CCDC178: variants seen among roughly 807,000 people sequenced by gnomAD.
CCDC178 encodes coiled-coil domain-containing protein 178.
Under a neutral mutation model 117.4 loss-of-function variants are expected in CCDC178, and 126 were observed. That is an observed-to-expected ratio of 1.07 (90% CI 0.93 to 1.24). The LOEUF is 1.24. Among genes scored for constraint, CCDC178 ranks in the 50% most tolerant of loss-of-function variants. The pLI, the probability that CCDC178 is intolerant of heterozygous loss-of-function variation, is 0.00. For missense variants in CCDC178, 1,030 were observed against 986.9 expected, an observed-to-expected ratio of 1.04 and a Z score of -0.59; for synonymous variants, 283 against 313.4, an observed-to-expected ratio of 0.90 and a Z score of 1.02.
chr18:33,242,953 G>GT (rs959497156), intron 15 of CCDC178, among the ~76,000 whole-genome samples: 36 of 151,474 alleles, frequency 2.4e-4, no homozygotes, highest in Admixed American at 7.9e-4. Context: ...GTATCCCCAT[G>GT]TTTTTTTTGT....
intron 22 of CCDC178, among the ~76,000 whole-genome samples, chr18:32,953,564 C>T (rs114211611): frequency 7.9e-5 from 12 of 152,264 alleles, no homozygotes; most frequent in African/African-American, 1.9e-4. Context: ...ATAGGACAAA[C>T]ATTTATCCCA....
intron 6 of CCDC178, among the ~76,000 whole-genome samples, chr18:33,359,339 T>G (rs1044697498): frequency 3.3e-5 from 5 of 151,750 alleles, no homozygotes; most frequent in Non-Finnish European, 7.4e-5. Flanking sequence ...ATCAAAACAT[T>G]ACCTTAGCAA....
intron 20 of CCDC178, among the ~76,000 whole-genome samples, chr18:33,163,264 C>A (rs141470028): frequency 4.1e-4 from 62 of 151,886 alleles, no homozygotes; most frequent in African/African-American, 1.4e-3. Flanking sequence ...TAAATAATAC[C>A]TTTTCAATGT....
chr18:33,004,102 T>G (rs1017883107), intron 21 of CCDC178, among the ~76,000 whole-genome samples: 2 of 152,020 alleles, frequency 1.3e-5, no homozygotes, highest in African/African-American at 4.8e-5. Context: ...GTACTACCCA[T>G]AGCAACCTAA....
chr18:33,223,570 T>G (rs1347603040), intron 17 of CCDC178, among the ~76,000 whole-genome samples: 3 of 152,156 alleles, frequency 2.0e-5, no homozygotes, highest in African/African-American at 7.2e-5. Flanking sequence ...AAAAACTTAT[T>G]CTTCCTTACT....
At chr18:33,057,969 G>C (rs2144950572) in intron 21 of CCDC178, among the ~76,000 whole-genome samples, 1 of 152,156 alleles carries the variant, frequency 6.6e-6, no homozygotes, top group South Asian at 2.1e-4. Flanking sequence ...TCACCCTCTA[G>C]GAGGGCTAAA....
chr18:33,108,504 T>C (rs796101807), intron 20 of CCDC178, among the ~76,000 whole-genome samples: 22 of 151,728 alleles, frequency 1.4e-4, no homozygotes, highest in African/African-American at 5.1e-4. Context: ...GAGTAGACTA[T>C]GCTAAGATTT....
intron 20 of CCDC178, among the ~76,000 whole-genome samples, chr18:33,115,789 T>C (rs2057849438): frequency 6.6e-6 from 1 of 151,918 alleles, no homozygotes; most frequent in Non-Finnish European, 1.5e-5. Flanking sequence ...TTTCAAGGAG[T>C]TAATCGTTCT....
chr18:33,263,266 A>G (rs951937032), intron 14 of CCDC178, among the ~76,000 whole-genome samples: 1 of 152,196 alleles, frequency 6.6e-6, no homozygotes, highest in Non-Finnish European at 1.5e-5. Flanking sequence ...TTTTAAAAGT[A>G]TTATACTGAA....
chr18:33,091,324 C>CTTTTTTTTTTTCTTTTTTT (rs2057459982), intron 21 of CCDC178, among the ~76,000 whole-genome samples: 1 of 43,882 alleles, frequency 2.3e-5, no homozygotes, highest in Non-Finnish European at 4.1e-5. Context: ...TTATTTCATT[C>CTTTTTTTTTTTCTTTTTTT]TTTTTTTTTT....
intron 20 of CCDC178, among the ~76,000 whole-genome samples, chr18:33,178,609 C>T (rs2058691457): frequency 6.6e-6 from 1 of 152,082 alleles, no homozygotes; most frequent in Non-Finnish European, 1.5e-5. Flanking sequence ...GCTCCGTACA[C>T]GAAGGTCTCC....
intron 3 of CCDC178, among the ~76,000 whole-genome samples, chr18:33,404,906 T>C (rs570948138): frequency 8.6e-5 from 13 of 152,008 alleles, no homozygotes; most frequent in African/African-American, 3.1e-4. Context: ...ATATCTAGAG[T>C]AAACAAATCC....
At chr18:33,008,262 A>T (rs2055790598) in intron 21 of CCDC178, among the ~76,000 whole-genome samples, 1 of 152,060 alleles carries the variant, frequency 6.6e-6, no homozygotes, top group Non-Finnish European at 1.5e-5. Flanking sequence ...CTCCACACTC[A>T]TGGTCCCAAC....
chr18:33,295,412 A>T (rs2062094299), intron 11 of CCDC178, among the ~76,000 whole-genome samples: 1 of 152,144 alleles, frequency 6.6e-6, no homozygotes, highest in Non-Finnish European at 1.5e-5. Flanking sequence ...GACACCAAGT[A>T]CATGATGAAT....
intron 20 of CCDC178, among the ~76,000 whole-genome samples, chr18:33,169,400 G>A (rs2058570976): frequency 6.6e-6 from 1 of 152,162 alleles, no homozygotes; most frequent in South Asian, 2.1e-4. Context: ...GACTGTGTAA[G>A]TACAGAATGT....
At chr18:33,337,988 A>C (rs2062764199) in intron 9 of CCDC178, among the ~76,000 whole-genome samples, 1 of 152,218 alleles carries the variant, frequency 6.6e-6, no homozygotes. Context: ...GAGTGGGAGA[A>C]AATTTTGACG....
At chr18:33,235,203 T>G (rs2059413546) in intron 15 of CCDC178, among the ~76,000 whole-genome samples, 1 of 152,172 alleles carries the variant, frequency 6.6e-6, no homozygotes. Context: ...AGTCATAGAC[T>G]TCTAAAGTTA....
At chr18:33,250,546 G>C in intron 14 of CCDC178, among the ~76,000 whole-genome samples, 1 of 151,250 alleles carries the variant, frequency 6.6e-6, no homozygotes, top group East Asian at 2.0e-4. Context: ...TAAGAAACAA[G>C]GTAAAAGTAG....
In CCDC178 at chr18:32,977,174, T is replaced by C. The variant is rs565370799; in HGVS notation, c.2389-2493A>G. Among the ~76,000 whole-genome samples, 5 of 152,260 alleles carry C rather than the reference T, an allele frequency of 3.3e-5. No homozygotes were observed. The South Asian group carries it at 1.0e-3, about 32-fold the overall frequency. On this transcript the variant is annotated intron_variant, in intron 21 of 22. Coordinates refer to ENST00000383096, the MANE Select transcript of CCDC178 (RefSeq NM_001105528.4). ...CCCCCGTTTACAGCTGAGAAATCTA[T>C]ATTTTAAAGAGGTTAACTTGCTTTA...
Sources: gnomAD v4.1 joint callset for allele counts (sites outside exome capture counted in the v4.1 genomes callset) on GRCh38, gnomAD v4.1.1 for gene constraint, MANE v1.5 for transcripts, NCBI Gene and HGNC (gene_info 2026-07-23, HGNC 2026-07-21) for gene names.